The following GADL1 variants were observed in gnomAD, a reference collection of about 807,000 sequenced individuals.
The protein encoded by GADL1 is acidic amino acid decarboxylase GADL1.
A neutral mutation model predicts 69.5 loss-of-function variants in GADL1; 71 were observed. The ratio of observed to expected loss-of-function variants is 1.02; its 90% CI spans 0.84 to 1.25. GADL1 has a LOEUF of 1.25. Ranked by LOEUF, GADL1 falls within the 50% of genes most tolerant of loss-of-function variation. GADL1 has a pLI of 0.00. For missense variants in GADL1, 737 were observed against 631.8 expected, an observed-to-expected ratio of 1.17 and a Z score of -1.79; for synonymous variants, 254 against 214.4, an observed-to-expected ratio of 1.18 and a Z score of -1.62.
chr3:30,751,436 T>G (rs570678539), intron 14 of GADL1, among the ~76,000 whole-genome samples: 40 of 149,554 alleles, frequency 2.7e-4, no homozygotes, highest in African/African-American at 8.6e-4. Flanking sequence ...TGTCTTTCAT[T>G]GCTTCTTTTA....
intron 14 of GADL1, among the ~76,000 whole-genome samples, chr3:30,776,352 GAAAAAATGTTCCTCT>G (rs1001098501): frequency 1.3e-5 from 2 of 152,148 alleles, no homozygotes. Context: ...CCATCATAGT[GAAAAAATGTTCCTCT>G]AAACTTCACC....
At chr3:30,745,963 C>T (rs1695696602) in intron 14 of GADL1, among the ~76,000 whole-genome samples, 1 of 149,746 alleles carries the variant, frequency 6.7e-6, no homozygotes, top group South Asian at 2.2e-4. Flanking sequence ...TCCCCCACCC[C>T]TCCTGCTCCT....
chr3:30,807,423 T>C (rs1399252998), intron 11 of GADL1, among the ~76,000 whole-genome samples: 2 of 152,200 alleles, frequency 1.3e-5, no homozygotes, highest in African/African-American at 2.4e-5. Context: ...CTTAAAGCAA[T>C]AGGAAGTTAT....
At chr3:30,774,777 T>TATAAATAGTGGTCATATAGAGAA (rs1343901680) in intron 14 of GADL1, among the ~76,000 whole-genome samples, 1 of 152,140 alleles carries the variant, frequency 6.6e-6, no homozygotes, top group African/African-American at 2.4e-5. Context: ...AAATATTATA[T>TATAAATAGTGGTCATATAGAGAA]TTACTATAAA....
intron 11 of GADL1, among the ~76,000 whole-genome samples, chr3:30,808,907 C>CT (rs1195851207): frequency 6.6e-6 from 1 of 152,186 alleles, no homozygotes. Context: ...CATCTTTGCA[C>CT]TTATGTTCAC....
intron 14 of GADL1, among the ~76,000 whole-genome samples, chr3:30,759,237 C>G (rs768696107): frequency 6.8e-6 from 1 of 147,586 alleles, no homozygotes; most frequent in African/African-American, 2.5e-5. Context: ...CTTTAGCTCT[C>G]ACAATGATTA....
chr3:30,744,203 G>C (rs1051652615), intron 14 of GADL1, among the ~76,000 whole-genome samples: 1 of 152,104 alleles, frequency 6.6e-6, no homozygotes, highest in African/African-American at 2.4e-5. Context: ...GGTAACTGTT[G>C]TTTGTTTGTA....
intron 1 of GADL1, among the ~76,000 whole-genome samples, chr3:30,888,264 G>A (rs1457707486): frequency 6.6e-6 from 1 of 152,090 alleles, no homozygotes; most frequent in Non-Finnish European, 1.5e-5. Flanking sequence ...TGGGAATGGG[G>A]CACATAGAAG....
At position 30,861,747 on chromosome 3, in the gene GADL1, T is replaced by TCCTTA. The variant is rs1698324492; in HGVS notation, c.55_56insTAAGG (p.Glu19ValfsTer4). ...AGCATTCTTCTTACTTGGAATCATC[T>TCCTTA]CTTGTTGATCAATATCTCCTGGAAG... On this transcript the variant is annotated frameshift_variant, in exon 2 of 15. Transcript: ENST00000282538. LOFTEE classifies it high-confidence loss of function. 1 of 1,545,942 alleles carries TCCTTA rather than the reference T, an allele frequency of 6.5e-7. No individual in the cohort carries two copies. Among genetic ancestry groups the TCCTTA allele is most frequent in the Admixed American group, 2.0e-5 (1 of 50,176 alleles).
chr3:30,822,355 A>G (rs892550734), intron 11 of GADL1, among the ~76,000 whole-genome samples: 5 of 151,980 alleles, frequency 3.3e-5, no homozygotes, highest in Admixed American at 6.6e-5. Flanking sequence ...AAAAACATAT[A>G]TGGACTTTCA....
intron 14 of GADL1, among the ~76,000 whole-genome samples, chr3:30,748,289 T>C (rs1695741387): frequency 6.6e-6 from 1 of 152,180 alleles, no homozygotes; most frequent in Non-Finnish European, 1.5e-5. Context: ...CTATTTTAAA[T>C]GGTTCTGAAA....
At position 30,834,240 on chromosome 3, in the gene GADL1, G is replaced by A. The variant is rs369124687; in HGVS notation, c.945C>T (p.Arg315=). 3 of 1,612,750 alleles carry A rather than the reference G, an allele frequency of 1.9e-6. No homozygotes were observed. Among genetic ancestry groups the A allele is most frequent in the African/African-American group, 1.3e-5 (1 of 74,814 alleles). The change falls in exon 10 of 15, where the codon CGC becomes CGT. Residue 315 remains arginine, a synonymous_variant. Transcript: ENST00000282538. The part of the protein sequence containing the change: ...GGSALMSRKH[R]KLLHGIHRAD... ...ACCTGTGGATGCCATGCAGAAGCTT[G>A]CGGTGCTTCCTCGACATCAAAGCTG...
chr3:30,783,394 T>G (rs1206986145), intron 13 of GADL1, among the ~76,000 whole-genome samples: 1 of 152,208 alleles, frequency 6.6e-6, no homozygotes, highest in African/African-American at 2.4e-5. Context: ...AAATAATACA[T>G]TTCTTGAAGA....
At chr3:30,852,709 G>A (rs949497149) in intron 4 of GADL1, among the ~76,000 whole-genome samples, 7 of 152,076 alleles carry the variant, frequency 4.6e-5, no homozygotes, top group Admixed American at 2.6e-4. Flanking sequence ...AATCAGCCTG[G>A]AGGGTGGAGG....
chr3:30,802,799 C>CT (rs1267879556), intron 11 of GADL1, among the ~76,000 whole-genome samples: 1 of 152,138 alleles, frequency 6.6e-6, no homozygotes, highest in East Asian at 1.9e-4. Context: ...CCACAATAAA[C>CT]TGAGTATAAA....
At chr3:30,888,062 G>A (rs924904785) in intron 1 of GADL1, among the ~76,000 whole-genome samples, 2 of 148,900 alleles carry the variant, frequency 1.3e-5, no homozygotes, top group South Asian at 2.1e-4. Flanking sequence ...CACCTAATAC[G>A]ATGTAAGTGT....
At chr3:30,746,749 A>T (rs1695708973) in intron 14 of GADL1, among the ~76,000 whole-genome samples, 1 of 152,258 alleles carries the variant, frequency 6.6e-6, no homozygotes, top group East Asian at 1.9e-4. Flanking sequence ...AGATGCAAGA[A>T]AACAATGGAC....
At chr3:30,739,104 A>C (rs1430385891) in intron 14 of GADL1, among the ~76,000 whole-genome samples, 1 of 152,194 alleles carries the variant, frequency 6.6e-6, no homozygotes, top group Non-Finnish European at 1.5e-5. Context: ...ATAATTTTAC[A>C]TTGTAGAACC....
At chr3:30,829,030 C>A (rs768210169) in intron 11 of GADL1, among the ~76,000 whole-genome samples, 4 of 151,772 alleles carry the variant, frequency 2.6e-5, no homozygotes, top group East Asian at 1.9e-4. Flanking sequence ...CACTAAAAAT[C>A]AAAAATCTGA....
Sources: allele counts gnomAD v4.1 joint callset (sites outside exome capture counted in the v4.1 genomes callset), GRCh38; gene constraint gnomAD v4.1.1; transcripts MANE v1.5; gene names NCBI Gene and HGNC (gene_info 2026-07-23, HGNC 2026-07-21).